Variants in CACNA2D3 observed in about 807,000 individuals in gnomAD.
The protein encoded by CACNA2D3 is calcium voltage-gated channel auxiliary subunit alpha2delta 3.
In CACNA2D3, 60 loss-of-function variants were observed where a neutral mutation model predicts 160.6. The ratio of observed to expected loss-of-function variants is 0.37; its 90% CI spans 0.30 to 0.46. CACNA2D3 has a LOEUF of 0.46. CACNA2D3 is among the 20% of genes least tolerant of loss of function. The pLI is 1.00. For missense variants in CACNA2D3, 1,205 were observed against 1,365.0 expected (o/e 0.88, Z 1.85); for synonymous variants, 558 against 492.9 (o/e 1.13, Z -1.75).
intron 5 of CACNA2D3, among the ~76,000 whole-genome samples, chr3:54,509,008 A>G (rs933045129): frequency 1.3e-5 from 2 of 152,216 alleles, no homozygotes; most frequent in African/African-American, 4.8e-5. Context: ...AGGGATGGGC[A>G]GGGTTGCTGA....
rs796254156 is a variant in CACNA2D3, at chr3:54,463,990, T to G, written c.382-39502T>G. On this transcript the variant is annotated intron_variant, in intron 4 of 37. Coordinates refer to ENST00000474759, the MANE Select transcript of CACNA2D3 (RefSeq NM_018398.3). ...CTGTTTGTTAGTTTTCCTTCTACCA[T>G]ACAGGACCCTCAGCTGCAGGTCTGT... is the stretch of plus-strand genomic sequence containing the variant. Among the ~76,000 whole-genome samples, 38 of 152,328 alleles carry G rather than the reference T, an allele frequency of 2.5e-4. 1 individual carries two copies. The East Asian group carries it at 4.2e-3, about 17-fold the overall frequency.
chr3:54,141,094 C>CGCGCGCGCGCGCGCGT (rs768348036), intron 2 of CACNA2D3, among the ~76,000 whole-genome samples: 1 of 81,892 alleles, frequency 1.2e-5, no homozygotes, highest in Non-Finnish European at 3.0e-5. Context: ...TGTGCGCGCG[C>CGCGCGCGCGCGCGCGT]GCGCGTGTGT....
chr3:54,585,945 C>T (rs1203780532), intron 9 of CACNA2D3, among the ~76,000 whole-genome samples: 4 of 152,128 alleles, frequency 2.6e-5, no homozygotes, highest in Non-Finnish European at 4.4e-5. Context: ...CATGATCCAA[C>T]CGTATGACCA....
intron 2 of CACNA2D3, among the ~76,000 whole-genome samples, chr3:54,284,014 A>ATT (rs1262620456): frequency 6.6e-6 from 1 of 152,188 alleles, no homozygotes; most frequent in Non-Finnish European, 1.5e-5. Context: ...TTGAGCCGAG[A>ATT]TTGCACCGCT....
At position 54,974,851 on chromosome 3, in the gene CACNA2D3, CAGAT is replaced by C. The variant is rs201078678; in HGVS notation, c.2556+5011_2556+5014del. On this transcript the variant is annotated intron_variant, in intron 29 of 37. Coordinates refer to ENST00000474759, the MANE Select transcript of CACNA2D3 (RefSeq NM_018398.3). ...TTAGTGCACCCTTGGGGCAGGGTGA[CAGAT>C]AGACATCTTCTAAGATGTTGGGCTT... 7.3e-3 allele frequency among the ~76,000 whole-genome samples: 1,105 copies of C among 152,200 alleles called. 12 individuals carry two copies. Among genetic ancestry groups the C allele is most frequent in the Non-Finnish European group, 9.5e-3 (649 of 68,020 alleles).
chr3:54,919,742 A>T (rs1700781286), intron 27 of CACNA2D3, among the ~76,000 whole-genome samples: 2 of 152,248 alleles, frequency 1.3e-5, no homozygotes, highest in African/African-American at 2.4e-5. Context: ...CCATGAAAAC[A>T]TGCTATTTGT....
intron 13 of CACNA2D3, among the ~76,000 whole-genome samples, chr3:54,791,592 C>T (rs1190599704): frequency 1.3e-5 from 2 of 152,174 alleles, no homozygotes; most frequent in African/African-American, 4.8e-5. Context: ...AGTTTATGCT[C>T]ATTAGAATGA....
At chr3:55,040,170 C>T (rs909091865) in intron 35 of CACNA2D3, among the ~76,000 whole-genome samples, 1 of 152,030 alleles carries the variant, frequency 6.6e-6, no homozygotes, top group Non-Finnish European at 1.5e-5. Flanking sequence ...CTTAGGAGAG[C>T]ATGTATTCCA....
At chr3:54,346,788 G>A (rs562457233) in intron 3 of CACNA2D3, among the ~76,000 whole-genome samples, 17 of 152,212 alleles carry the variant, frequency 1.1e-4, no homozygotes, top group East Asian at 5.8e-4. Context: ...CGTCATTACC[G>A]TATCATACAG....
rs1338670969 is a variant in CACNA2D3 at position 55,018,209 on chromosome 3, A to G, written c.2879A>G (p.Gln960Arg). 1.2e-6 allele frequency: 2 copies of G among 1,608,746 alleles called. No individual in the cohort carries two copies. The highest frequency in any genetic ancestry group is 1.7e-6 in the Non-Finnish European group (2 of 1,175,604). ...TTTTTTCCCACTATCCCTACAGCCC[A>G]GAAATTGAAACAGACCCTGGAGCCT... ...WWHSDMTAKA[Q>R]KLKQTLEPCD... Residue 960 changes from glutamine to arginine, a missense_variant, in exon 35 of 38, where the codon CAG becomes CGG. By Grantham distance (43) the Gln-to-Arg change is conservative. Coordinates refer to ENST00000474759, the MANE Select transcript of CACNA2D3 (RefSeq NM_018398.3).
At chr3:54,681,993 A>G (rs1208224486) in intron 11 of CACNA2D3, among the ~76,000 whole-genome samples, 1 of 152,116 alleles carries the variant, frequency 6.6e-6, no homozygotes, top group Non-Finnish European at 1.5e-5. Context: ...CCCTGATGCA[A>G]GCTTTTAATT....
At chr3:54,320,079 A>G (rs1259418277) in intron 2 of CACNA2D3, among the ~76,000 whole-genome samples, 1 of 152,204 alleles carries the variant, frequency 6.6e-6, no homozygotes, top group African/African-American at 2.4e-5. Flanking sequence ...CTGCACATTT[A>G]AACAGATAAA....
At chr3:55,034,278 A>G (rs1703765885) in intron 35 of CACNA2D3, among the ~76,000 whole-genome samples, 1 of 151,894 alleles carries the variant, frequency 6.6e-6, no homozygotes, top group Non-Finnish European at 1.5e-5. Context: ...TTGTTGTCTT[A>G]ACTTTTCTTT....
chr3:54,125,421 A>C (rs565677896), intron 2 of CACNA2D3, among the ~76,000 whole-genome samples: 1 of 152,298 alleles, frequency 6.6e-6, no homozygotes, highest in African/African-American at 2.4e-5. Flanking sequence ...TTGCAGCTTG[A>C]CAATTGTGTA....
chr3:54,900,391 T>C (rs551442795), intron 27 of CACNA2D3, among the ~76,000 whole-genome samples: 15 of 152,338 alleles, frequency 9.8e-5, no homozygotes, highest in Non-Finnish European at 1.9e-4. Flanking sequence ...ACTGAGAGTC[T>C]TGAATTGTCA....
chr3:54,558,544 A>G (rs1702274977), intron 5 of CACNA2D3, among the ~76,000 whole-genome samples: 1 of 152,014 alleles, frequency 6.6e-6, no homozygotes, highest in African/African-American at 2.4e-5. Flanking sequence ...CCCAATTGGT[A>G]GTTTTTTGAT....
chr3:54,653,063 A>G (rs1367171374), intron 11 of CACNA2D3, among the ~76,000 whole-genome samples: 19 of 152,102 alleles, frequency 1.2e-4, no homozygotes, highest in Admixed American at 1.1e-3. Context: ...GATTACAGGC[A>G]TGAGCCACCG....
chr3:54,415,190 C>T (rs1395218951), intron 4 of CACNA2D3, among the ~76,000 whole-genome samples: 3 of 152,260 alleles, frequency 2.0e-5, no homozygotes, highest in Admixed American at 2.0e-4. Context: ...AAATCATTGG[C>T]AGACCCCAGA....
intron 11 of CACNA2D3, among the ~76,000 whole-genome samples, chr3:54,744,023 G>C (rs141337874): frequency 1.8e-3 from 267 of 152,288 alleles, no homozygotes; most frequent in African/African-American, 6.0e-3. Flanking sequence ...GTCATGCAAA[G>C]GCTTAATGAT....
Sources: gnomAD v4.1 joint callset for allele counts (sites outside exome capture counted in the v4.1 genomes callset) on GRCh38, gnomAD v4.1.1 for gene constraint, MANE v1.5 for transcripts, NCBI Gene and HGNC (gene_info 2026-07-23, HGNC 2026-07-21) for gene names.